OSBPL1A: variants seen among roughly 807,000 people sequenced by gnomAD.
OSBPL1A encodes the protein oxysterol-binding protein-related protein 1.
OSBPL1A carries 80 observed loss-of-function variants against 137.1 expected under a neutral mutation model. The ratio of observed to expected loss-of-function variants is 0.58; its 90% CI spans 0.49 to 0.70. The LOEUF is 0.70. Ranked by LOEUF, OSBPL1A falls within the 30% of genes least tolerant of loss-of-function variation. OSBPL1A has a pLI of 0.00. For missense variants in OSBPL1A, 970 were observed against 1,129.4 expected, an observed-to-expected ratio of 0.86 and a Z score of 2.02; for synonymous variants, 365 against 389.7, an observed-to-expected ratio of 0.94 and a Z score of 0.75.
At chr18:24,321,028 C>CAAAAAA (rs368453121) in intron 7 of OSBPL1A, among the ~76,000 whole-genome samples, 2 of 68,232 alleles carry the variant, frequency 2.9e-5, no homozygotes, top group African/African-American at 8.2e-5. Context: ...GACTTCGTCT[C>CAAAAAA]AAAAAAAAAA....
At chr18:24,395,783 G>A (rs1053929416) in intron 1 of OSBPL1A, among the ~76,000 whole-genome samples, 6 of 151,406 alleles carry the variant, frequency 4.0e-5, no homozygotes, top group East Asian at 3.9e-4. Flanking sequence ...TACCACGCCC[G>A]GCTAATTTTT....
At chr18:24,178,224 A>G (rs79752389) in intron 20 of OSBPL1A, 29 bp from the exon 21 acceptor site, 26,610 of 1,498,206 alleles carry the variant, frequency 0.018, 901 homozygotes, top group East Asian at 0.14. Context: ...AAAAAAAGAA[A>G]AAAAAAAGCA....
chr18:24,326,095 T>C (rs2090972986), intron 7 of OSBPL1A, among the ~76,000 whole-genome samples: 1 of 152,102 alleles, frequency 6.6e-6, no homozygotes, highest in Non-Finnish European at 1.5e-5. Flanking sequence ...GACTAGGACA[T>C]TTTCACTCTA....
intron 15 of OSBPL1A, among the ~76,000 whole-genome samples, chr18:24,265,986 G>T (rs189236825): frequency 6.6e-6 from 1 of 152,084 alleles, no homozygotes; most frequent in Non-Finnish European, 1.5e-5. Context: ...AGATATTTTC[G>T]TGAGAATAAA....
intron 15 of OSBPL1A, among the ~76,000 whole-genome samples, chr18:24,256,000 G>A (rs1229751163): frequency 6.6e-6 from 1 of 152,040 alleles, no homozygotes; most frequent in East Asian, 1.9e-4. Flanking sequence ...TTGCCATGTT[G>A]GCCAGGCTGG....
At chr18:24,348,709 G>C (rs1018942409) in intron 4 of OSBPL1A, among the ~76,000 whole-genome samples, 1 of 152,168 alleles carries the variant, frequency 6.6e-6, no homozygotes, top group Non-Finnish European at 1.5e-5. Flanking sequence ...GGGAGGTAGA[G>C]GTTGCAGTGA....
intron 17 of OSBPL1A, among the ~76,000 whole-genome samples, chr18:24,204,251 T>C (rs1899780569): frequency 1.3e-5 from 2 of 152,236 alleles, no homozygotes; most frequent in Admixed American, 1.3e-4. Context: ...GTAATGATGC[T>C]ACCTTGTTAT....
chr18:24,333,483 G>A (rs1340686779), intron 6 of OSBPL1A, among the ~76,000 whole-genome samples: 1 of 152,210 alleles, frequency 6.6e-6, no homozygotes, highest in African/African-American at 2.4e-5. Context: ...TGTTAAATGT[G>A]TAAATGTCAA....
At chr18:24,272,796 G>C (rs1353284040) in intron 15 of OSBPL1A, among the ~76,000 whole-genome samples, 1 of 152,166 alleles carries the variant, frequency 6.6e-6, no homozygotes, top group African/African-American at 2.4e-5. Flanking sequence ...TTGCACTACA[G>C]ACCTAGAATG....
intron 18 of OSBPL1A, among the ~76,000 whole-genome samples, chr18:24,195,097 G>A (rs11083010): frequency 0.11 from 17,015 of 151,894 alleles, 2,073 homozygotes; most frequent in East Asian, 0.3. Context: ...CCAGGAGTTC[G>A]AGACCAGCCT....
intron 17 of OSBPL1A, among the ~76,000 whole-genome samples, chr18:24,221,167 C>A (rs2087877307): frequency 6.6e-6 from 1 of 152,198 alleles, no homozygotes. Flanking sequence ...CCACTAACAA[C>A]ATTTTCTCAA....
chr18:24,224,608 A>G lies in OSBPL1A; in HGVS notation c.1601+434T>C, dbSNP rs557210547. Among the ~76,000 whole-genome samples, 79 of 152,334 alleles carry G rather than the reference A, an allele frequency of 5.2e-4. No homozygotes were observed. In the South Asian group the frequency reaches 0.01, roughly 20 times the overall value. On this transcript the variant is annotated intron_variant, in intron 17 of 27. Coordinates refer to ENST00000319481, the MANE Select transcript of OSBPL1A (RefSeq NM_080597.4). Reference sequence around the variant, plus strand: ...GGTCTTAATAAAAGTCTTTGTTTAAATTTAACTAAATTGCATCAACAGACT... The same window carrying G: ...GGTCTTAATAAAAGTCTTTGTTTAAGTTTAACTAAATTGCATCAACAGACT...
intron 4 of OSBPL1A, among the ~76,000 whole-genome samples, chr18:24,349,271 A>C (rs758435811): frequency 1.3e-5 from 2 of 152,200 alleles, no homozygotes; most frequent in Non-Finnish European, 2.9e-5. Flanking sequence ...GAGATCTGAC[A>C]TATGACTAGC....
At chr18:24,368,834 T>C (rs1568059077) in intron 2 of OSBPL1A, among the ~76,000 whole-genome samples, 1 of 152,312 alleles carries the variant, frequency 6.6e-6, no homozygotes, top group East Asian at 1.9e-4. Flanking sequence ...CAGTAAAGGA[T>C]AGTTCCTGCA....
Position 24,271,612 on chromosome 18 carries a change from A to T in OSBPL1A, c.1281+9230T>A. On this transcript the variant is annotated intron_variant, in intron 15 of 27. Coordinates refer to ENST00000319481, the MANE Select transcript of OSBPL1A (RefSeq NM_080597.4). The surrounding 1 kb of genome is among the most constrained non-coding windows in gnomAD (Gnocchi z 4.0). The stretch of plus-strand genomic sequence containing the variant: ...CGCAAAGCCACCGAGCTGCAAATAC[A>T]CCCACCTACCTGGGCCAGATCCGAG... 1 of 985,860 alleles carries T rather than the reference A, an allele frequency of 1.0e-6. No homozygotes were observed. The highest frequency in any genetic ancestry group is 1.2e-6 in the Non-Finnish European group (1 of 830,564). 61.1% of individuals were successfully genotyped at this position (985,860 alleles called of 1,614,324 possible). A position where few individuals can be genotyped will look rare whatever the true frequency, so the allele number is the denominator to read the frequency against.
At chr18:24,272,003 G>C in intron 15 of OSBPL1A, 3 of 981,414 alleles carry the variant, frequency 3.1e-6, no homozygotes, top group Non-Finnish European at 3.6e-6. Context: ...GGCAAGGCCT[G>C]CGGCGGGCGG....
At chr18:24,168,503 T>C (rs2086196539) in intron 24 of OSBPL1A, among the ~76,000 whole-genome samples, 1 of 152,216 alleles carries the variant, frequency 6.6e-6, no homozygotes, top group South Asian at 2.1e-4. Context: ...GGCCCAGCTA[T>C]GCTAGTGCTG....
intron 1 of OSBPL1A, among the ~76,000 whole-genome samples, chr18:24,394,720 T>C (rs1039652309): frequency 1.1e-4 from 17 of 152,236 alleles, no homozygotes; most frequent in Admixed American, 9.2e-4. Flanking sequence ...TGACCATTTA[T>C]GCATCACAGA....
chr18:24,165,188 A>ACT, intron 26 of OSBPL1A, 33 bp from the exon 27 acceptor site: 1 of 1,586,476 alleles, frequency 6.3e-7, no homozygotes. Context: ...AACCATTAAC[A>ACT]CTCTACACAG....
Sources: gnomAD v4.1 joint callset for allele counts (sites outside exome capture counted in the v4.1 genomes callset) on GRCh38, gnomAD v4.1.1 for gene constraint, Gnocchi (gnomAD v3.1) non-coding constraint, MANE v1.5 for transcripts, NCBI Gene and HGNC (gene_info 2026-07-23, HGNC 2026-07-21) for gene names.